PRUNE2: variants seen among roughly 807,000 people sequenced by gnomAD.
PRUNE2 encodes prune homolog 2 with BCH domain, also known as protein prune homolog 2.
Under a neutral mutation model 252.0 loss-of-function variants are expected in PRUNE2, and 164 were observed. That is an observed-to-expected ratio of 0.65 (90% CI 0.57 to 0.74). The LOEUF (loss-of-function observed/expected upper bound fraction) is 0.74. Among genes scored for constraint, PRUNE2 ranks in the 30% least tolerant of loss-of-function variants. The pLI is 0.00. For synonymous variants in PRUNE2, 1,292 were observed against 1,350.2 expected, an observed-to-expected ratio of 0.96 and a Z score of 0.94; for missense variants, 3,495 against 3,711.0, an observed-to-expected ratio of 0.94 and a Z score of 1.51.
At chr9:76,731,334 T>TC (rs2048585338) in intron 6 of PRUNE2, among the ~76,000 whole-genome samples, 1 of 137,064 alleles carries the variant, frequency 7.3e-6, no homozygotes, top group African/African-American at 2.8e-5. Context: ...ATTTTTTTTT[T>TC]TTTTTTGAGA....
chr9:76,857,685 T>G (rs918908589), intron 1 of PRUNE2, among the ~76,000 whole-genome samples: 1 of 152,124 alleles, frequency 6.6e-6, no homozygotes, highest in Non-Finnish European at 1.5e-5. Flanking sequence ...TCTCTTCAAA[T>G]TGGAATTAAG....
At position 76,611,769 on chromosome 9, in the gene PRUNE2, T is replaced by C. The variant is rs1328480964; in HGVS notation, c.*2801A>G. The stretch of plus-strand genomic sequence containing the variant: ...CTTCAACAGAAACTTCAGGATTTTC[T>C]TCCACACTGAGCTACTGCCCTCAAA... On this transcript the variant is annotated 3_prime_UTR_variant, in exon 19 of 19. Transcript: ENST00000376718. The C allele has an allele frequency of 1.3e-5, 2 of 152,664 alleles. No individual in the cohort carries two copies. The highest frequency in any genetic ancestry group is 2.9e-5 in the Non-Finnish European group (2 of 68,042). The allele number at this position is 152,664 out of a possible 1,614,324, so 9.5% of individuals were successfully genotyped here. A position where few individuals can be genotyped will look rare whatever the true frequency, so the allele number is the denominator to read the frequency against.
intron 17 of PRUNE2, among the ~76,000 whole-genome samples, chr9:76,623,931 T>C (rs1248196261): frequency 6.6e-6 from 1 of 152,238 alleles, no homozygotes; most frequent in Non-Finnish European, 1.5e-5. Context: ...ACTTTAGCAA[T>C]AGTGGGCAAT....
At chr9:76,776,547 G>A (rs2053784879) in intron 6 of PRUNE2, among the ~76,000 whole-genome samples, 1 of 88,638 alleles carries the variant, frequency 1.1e-5, no homozygotes, top group African/African-American at 6.6e-5. Flanking sequence ...GATGAGTCTC[G>A]CTCTGTTGCC....
chr9:76,744,783 C>G (rs1240137906), intron 6 of PRUNE2, among the ~76,000 whole-genome samples: 1 of 152,322 alleles, frequency 6.6e-6, no homozygotes, highest in South Asian at 2.1e-4. Flanking sequence ...GCTTGCAGCT[C>G]TCACCAGGGC....
At chr9:76,833,090 A>G (rs2058753853) in intron 4 of PRUNE2, among the ~76,000 whole-genome samples, 1 of 152,166 alleles carries the variant, frequency 6.6e-6, no homozygotes, top group African/African-American at 2.4e-5. Flanking sequence ...AAGAATAGAA[A>G]ATGAGAGATT....
chr9:76,683,467 T>C (rs558212657), intron 9 of PRUNE2, among the ~76,000 whole-genome samples: 5 of 152,328 alleles, frequency 3.3e-5, no homozygotes, highest in South Asian at 2.1e-4. Flanking sequence ...TTTCATAATA[T>C]GAGCCAATTA....
intron 10 of PRUNE2, among the ~76,000 whole-genome samples, chr9:76,653,938 T>C (rs1427000375): frequency 6.6e-6 from 1 of 152,178 alleles, no homozygotes; most frequent in Admixed American, 6.5e-5. Context: ...AAGCTTAAAC[T>C]AACAAAACAA....
At chr9:76,679,876 C>A (rs1473568494) in intron 9 of PRUNE2, among the ~76,000 whole-genome samples, 4 of 151,954 alleles carry the variant, frequency 2.6e-5, no homozygotes, top group Admixed American at 6.6e-5. Flanking sequence ...AATGGATTAG[C>A]AATAAAAACA....
At chr9:76,840,579 T>A (rs1467357913) in intron 4 of PRUNE2, among the ~76,000 whole-genome samples, 1 of 152,258 alleles carries the variant, frequency 6.6e-6, no homozygotes, top group Non-Finnish European at 1.5e-5. Context: ...GTCTCAGCCA[T>A]AAATATCTAG....
intron 6 of PRUNE2, among the ~76,000 whole-genome samples, chr9:76,760,329 C>A (rs763674471): frequency 6.6e-6 from 1 of 152,160 alleles, no homozygotes; most frequent in Non-Finnish European, 1.5e-5. Context: ...ATTACTGATG[C>A]TATAGGATAT....
chr9:76,636,328 C>T (rs1840049544), intron 15 of PRUNE2, 143 bp downstream of exon 15: 2 of 606,768 alleles, frequency 3.3e-6, no homozygotes. Context: ...GATGAATAGT[C>T]CAAAGCACCT....
intron 6 of PRUNE2, chr9:76,785,137 C>T (rs1042513040): frequency 7.9e-5 from 12 of 152,284 alleles, no homozygotes; most frequent in Non-Finnish European, 1.5e-4. Flanking sequence ...ATCAACCCCT[C>T]CCATGCACCT....
chr9:76,749,223 G>T (rs1428318598), intron 6 of PRUNE2, among the ~76,000 whole-genome samples: 1 of 152,164 alleles, frequency 6.6e-6, no homozygotes, highest in Non-Finnish European at 1.5e-5. Context: ...GCCATCAGCT[G>T]GTACAAAGAC....
rs1326708375 is a variant in PRUNE2 at position 76,731,319 on chromosome 9, TATATA to T, written c.757-17603_757-17599del. On this transcript the variant is annotated intron_variant, in intron 6 of 18. Transcript: ENST00000376718. ...CTATCTATCTATCTATCTATATATA[TATATA>T]TTTTTTTTTTTTTTTTGAGACAGGG... Among the ~76,000 whole-genome samples the T allele has an allele frequency of 3.1e-4, 32 of 104,360 alleles. 2 individuals carry two copies. Among genetic ancestry groups the T allele is most frequent in the Admixed American group, 1.7e-3 (15 of 8,952 alleles). The allele number at this position is 104,360 out of a possible 152,430, so 68.5% of individuals were successfully genotyped here.
At chr9:76,690,654 A>G (rs944343134) in intron 9 of PRUNE2, among the ~76,000 whole-genome samples, 3 of 152,216 alleles carry the variant, frequency 2.0e-5, no homozygotes, top group African/African-American at 7.2e-5. Flanking sequence ...AAAAAAGTTA[A>G]TTTGACTTCT....
intron 6 of PRUNE2, among the ~76,000 whole-genome samples, chr9:76,750,206 G>A (rs1198730514): frequency 6.6e-6 from 1 of 152,110 alleles, no homozygotes; most frequent in Non-Finnish European, 1.5e-5. Flanking sequence ...CCTGAGTTCT[G>A]TGAGCTGTTC....
At chr9:76,888,048 T>C (rs754069488) in intron 1 of PRUNE2, among the ~76,000 whole-genome samples, 3 of 152,038 alleles carry the variant, frequency 2.0e-5, no homozygotes, top group Non-Finnish European at 4.4e-5. Flanking sequence ...AAAAGGGCAG[T>C]AGGAAATGAA....
intron 6 of PRUNE2, chr9:76,779,729 T>C (rs2054169963): frequency 6.6e-6 from 1 of 152,256 alleles, no homozygotes. Flanking sequence ...TACTGTACAG[T>C]TCATCAACTT....
Sources: allele counts gnomAD v4.1 joint callset (sites outside exome capture counted in the v4.1 genomes callset), GRCh38; gene constraint gnomAD v4.1.1; transcripts MANE v1.5; gene names NCBI Gene and HGNC (gene_info 2026-07-23, HGNC 2026-07-21).